Variants in MBNL1 observed in about 807,000 individuals in gnomAD.
The protein encoded by MBNL1 is muscleblind-like protein 1.
A neutral mutation model predicts 42.2 loss-of-function variants in MBNL1; 8 were observed. The observed-to-expected ratio is 0.19, with a 90% CI of 0.11 to 0.34. The LOEUF (loss-of-function observed/expected upper bound fraction) is 0.34, where lower values mean the gene tolerates loss of function less well. Ranked by LOEUF, MBNL1 falls within the 10% of genes least tolerant of loss-of-function variation. The pLI, the probability that MBNL1 is intolerant of heterozygous loss-of-function variation, is 1.00. For synonymous variants in MBNL1, 169 were observed against 173.9 expected, an observed-to-expected ratio of 0.97 and a Z score of 0.22; for missense variants, 309 against 495.3, an observed-to-expected ratio of 0.62 and a Z score of 3.57.
chr3:152,353,290 A>G (rs945409201), intron 2 of MBNL1, among the ~76,000 whole-genome samples: 1 of 152,168 alleles, frequency 6.6e-6, no homozygotes, highest in South Asian at 2.1e-4. Context: ...GCTGTGTCAG[A>G]GAGAGATGGG....
At chr3:152,256,678 G>A (rs992842230) in intron 2 of MBNL1, among the ~76,000 whole-genome samples, 3 of 152,090 alleles carry the variant, frequency 2.0e-5, no homozygotes, top group Admixed American at 2.0e-4. Flanking sequence ...GGAGGTTGAG[G>A]GCTGTGATTT....
At chr3:152,353,671 CTTTTT>C (rs34931833) in intron 2 of MBNL1, among the ~76,000 whole-genome samples, 1 of 116,500 alleles carries the variant, frequency 8.6e-6, no homozygotes, top group Admixed American at 9.5e-5. Context: ...TCAACAAATC[CTTTTT>C]TTTTTTTTTT....
At chr3:152,437,043 G>A (rs916078483) in intron 4 of MBNL1, among the ~76,000 whole-genome samples, 4 of 152,226 alleles carry the variant, frequency 2.6e-5, no homozygotes, top group Admixed American at 6.5e-5. Flanking sequence ...TTATTTCCTC[G>A]CATGCTAATT....
chr3:152,416,326 C>T (rs1245584891), intron 3 of MBNL1, among the ~76,000 whole-genome samples: 1 of 152,094 alleles, frequency 6.6e-6, no homozygotes, highest in Non-Finnish European at 1.5e-5. Flanking sequence ...CTGGTTTTTT[C>T]CCCTATGATT....
At chr3:152,386,387 C>A (rs925190175) in intron 2 of MBNL1, among the ~76,000 whole-genome samples, 1 of 151,760 alleles carries the variant, frequency 6.6e-6, no homozygotes, top group East Asian at 1.9e-4. Context: ...ATAACCTGTT[C>A]ATATTTTTCA....
intron 1 of MBNL1, among the ~76,000 whole-genome samples, chr3:152,280,670 A>G: frequency 6.6e-6 from 1 of 152,164 alleles, no homozygotes; most frequent in Non-Finnish European, 1.5e-5. Context: ...AATTTTAAAT[A>G]TGCACATGAT....
intron 2 of MBNL1, among the ~76,000 whole-genome samples, chr3:152,305,202 G>A (rs767403069): frequency 3.9e-5 from 6 of 152,142 alleles, no homozygotes; most frequent in Admixed American, 1.3e-4. Flanking sequence ...TCACTTAAAA[G>A]AGACAATGCA....
At chr3:152,382,681 A>G (rs2097230082) in intron 2 of MBNL1, among the ~76,000 whole-genome samples, 1 of 152,148 alleles carries the variant, frequency 6.6e-6, no homozygotes, top group African/African-American at 2.4e-5. Flanking sequence ...CAGTGGCAGA[A>G]TATAAAAAGG....
chr3:152,364,931 A>G (rs938956893), intron 2 of MBNL1, among the ~76,000 whole-genome samples: 3 of 151,724 alleles, frequency 2.0e-5, no homozygotes. Context: ...TCGATGTACT[A>G]GCAGCTGCAT....
At chr3:152,340,986 A>T (rs928448065) in intron 2 of MBNL1, 3 of 1,467,248 alleles carry the variant, frequency 2.0e-6, no homozygotes, top group African/African-American at 1.4e-5. Context: ...GGGTAAATTG[A>T]TGAGGGGACA....
chr3:152,270,110 G>A (rs1480863397), intron 1 of MBNL1, among the ~76,000 whole-genome samples: 4 of 151,980 alleles, frequency 2.6e-5, no homozygotes, highest in Non-Finnish European at 5.9e-5. Context: ...CTCTGGGGCC[G>A]GGAGAGTATG....
At position 152,463,321 on chromosome 3, in the gene MBNL1, ATACTG is replaced by A. The variant is rs1363214155; in HGVS notation, c.*958_*962del. The A allele has an allele frequency of 6.6e-6, 1 of 152,240 alleles. No homozygotes were observed. The highest frequency in any genetic ancestry group is 1.5e-5 in the Non-Finnish European group (1 of 67,888). The allele number at this position is 152,240 out of a possible 1,614,324, so 9.4% of individuals were successfully genotyped here. ...TTGTAGTGTAATATTTATGCATACT[ATACTG>A]TATAACATGTTATTCAAAAGGGATT... On this transcript the variant is annotated 3_prime_UTR_variant, in exon 10 of 10. Transcript: ENST00000324210.
At chr3:152,270,390 C>T (rs778476797) in intron 1 of MBNL1, among the ~76,000 whole-genome samples, 19 of 152,110 alleles carry the variant, frequency 1.2e-4, no homozygotes, top group Non-Finnish European at 2.5e-4. Context: ...ACACTATGTC[C>T]CTTCCTCCTG....
rs368816150 is a variant in MBNL1 at position 152,449,838 on chromosome 3, C to G, written c.961+2065C>G. The stretch of plus-strand genomic sequence containing the variant: ...CTCAAATATTGGCCAGGCGCAGTGA[C>G]TCATGCCTGTAATCCTAGCACTTTG... On this transcript the variant is annotated intron_variant, in intron 6 of 9. Coordinates refer to ENST00000324210, the MANE Select transcript of MBNL1 (RefSeq NM_021038.5). Among the ~76,000 whole-genome samples the G allele has an allele frequency of 5.6e-4, 85 of 152,256 alleles. 1 individual carries two copies. In the South Asian group the frequency reaches 0.017, roughly 31 times the overall value.
chr3:152,367,488 T>C (rs13082076), intron 2 of MBNL1, among the ~76,000 whole-genome samples: 52,402 of 152,050 alleles, frequency 0.34, 9,622 homozygotes, highest in East Asian at 0.54. Flanking sequence ...GCAATAAATA[T>C]ACGTGTTCAT....
chr3:152,360,258 A>G (rs75976846), intron 2 of MBNL1, among the ~76,000 whole-genome samples: 10,856 of 152,252 alleles, frequency 0.071, 509 homozygotes, highest in Middle Eastern at 0.16. Context: ...TTTAAAGGAA[A>G]AGCAGCTTCC....
At chr3:152,275,271 C>T (rs1169577162) in intron 1 of MBNL1, among the ~76,000 whole-genome samples, 1 of 152,142 alleles carries the variant, frequency 6.6e-6, no homozygotes, top group Non-Finnish European at 1.5e-5. Flanking sequence ...AGCTTTATGT[C>T]ACTGACTAGG....
intron 2 of MBNL1, among the ~76,000 whole-genome samples, chr3:152,259,296 A>C (rs1003057614): frequency 4.6e-5 from 7 of 152,190 alleles, no homozygotes; most frequent in African/African-American, 1.7e-4. Context: ...ATAACTATGC[A>C]TAAACATCTT....
chr3:152,245,405 T>C (rs970055870), intron 2 of MBNL1, among the ~76,000 whole-genome samples: 5 of 152,180 alleles, frequency 3.3e-5, no homozygotes, highest in Admixed American at 2.0e-4. Flanking sequence ...TCTGGCTATA[T>C]ATACATATGG....
Sources: allele counts gnomAD v4.1 joint callset (sites outside exome capture counted in the v4.1 genomes callset), GRCh38; gene constraint gnomAD v4.1.1; transcripts MANE v1.5; gene names NCBI Gene and HGNC (gene_info 2026-07-23, HGNC 2026-07-21).